EXO1: variants seen among roughly 807,000 people sequenced by gnomAD.
The protein encoded by EXO1 is exonuclease 1.
In EXO1, 69 loss-of-function variants were observed where a neutral mutation model predicts 84.5. The ratio of observed to expected loss-of-function variants is 0.82; its 90% CI spans 0.67 to 1.00. The LOEUF (loss-of-function observed/expected upper bound fraction) is 1.00. Among genes scored for constraint, EXO1 ranks in the 50% least tolerant of loss-of-function variants. The probability of loss-of-function intolerance (pLI) is 0.00; values close to 1 mark genes in which losing one functional copy is unlikely to be tolerated. For synonymous variants in EXO1, 373 were observed against 366.1 expected (o/e 1.02, Z -0.21); for missense variants, 1,045 against 1,000.7 (o/e 1.04, Z -0.60).
chr1:241,867,257 C>T (rs4149948), intron 11 of EXO1, among the ~76,000 whole-genome samples: 11,736 of 152,186 alleles, frequency 0.077, 717 homozygotes, highest in Admixed American at 0.19. Flanking sequence ...ACGCACAGTT[C>T]CATGTAGCTG....
chr1:241,883,140 T>C (rs531022161), intron 14 of EXO1, among the ~76,000 whole-genome samples: 2 of 152,340 alleles, frequency 1.3e-5, no homozygotes, highest in East Asian at 3.9e-4. Context: ...CATGAGCATA[T>C]ATTATGTTTC....
chr1:241,871,743 C>T (rs927573291), intron 11 of EXO1, among the ~76,000 whole-genome samples: 3 of 152,090 alleles, frequency 2.0e-5, no homozygotes, highest in East Asian at 1.9e-4. Context: ...ATGAATACAT[C>T]GCCACACAGG....
At chr1:241,884,214 T>G (rs1378422696) in intron 14 of EXO1, among the ~76,000 whole-genome samples, 2 of 152,192 alleles carry the variant, frequency 1.3e-5, no homozygotes, top group East Asian at 3.8e-4. Context: ...ATTCTAACGT[T>G]TATTTCTTTG....
At position 241,885,366 on chromosome 1, in the gene EXO1, T is replaced by C. The variant is rs760523829; in HGVS notation, c.2264T>C (p.Ile755Thr). Residue 755 changes from isoleucine (I) to threonine (T), a missense_variant, in exon 15 of 16, where the codon ATC (isoleucine) becomes ACC (threonine). Coordinates refer to ENST00000366548, the MANE Select transcript of EXO1 (RefSeq NM_130398.4). ...GCAGACTCTCTTTCTACAACCAAGA[T>C]CAAACCTCTAGGACCTGCCAGAGCC... is the stretch of plus-strand genomic sequence containing the variant. ...SSADSLSTTK[I>T]KPLGPARASG... 1.9e-6 allele frequency: 3 copies of C among 1,613,912 alleles called. No individual in the cohort carries two copies. In the Admixed American group the frequency reaches 5.0e-5, roughly 27 times the overall value.
chr1:241,850,649 T>TC (rs1660612362), intron 4 of EXO1, 63 bp downstream of exon 4: 2 of 1,359,372 alleles, frequency 1.5e-6, no homozygotes, highest in Admixed American at 3.4e-5. Context: ...TGCCTTTTTT[T>TC]CTCCCCCAGA....
intron 10 of EXO1, among the ~76,000 whole-genome samples, chr1:241,865,293 C>T (rs1223117522): frequency 2.7e-5 from 4 of 150,494 alleles, no homozygotes; most frequent in Non-Finnish European, 5.9e-5. Flanking sequence ...CTCACTGCAA[C>T]GTCTGCCTCC....
intron 7 of EXO1, among the ~76,000 whole-genome samples, 173 bp from the exon 8 acceptor site, chr1:241,858,333 T>G (rs1213646433): frequency 6.6e-6 from 1 of 152,242 alleles, no homozygotes; most frequent in Non-Finnish European, 1.5e-5. Context: ...TCATATCCTA[T>G]GCTTCAGCAT....
Position 241,867,305 on chromosome 1 carries a change from T to A in EXO1, c.1267+250T>A, listed in dbSNP as rs186926668. Among the ~76,000 whole-genome samples the A allele has an allele frequency of 3.6e-3, 552 of 152,276 alleles. 2 individuals are homozygous for A. The highest frequency in any genetic ancestry group is 6.0e-3 in the Non-Finnish European group (406 of 68,012). On this transcript the variant is annotated intron_variant, in intron 11 of 15. Transcript: ENST00000366548. ...AATTATGGTGGAAGGTGAAAGGCACTTCTCACATGGTAGCAAACGAGAAGA... is the reference window on the plus strand; with the variant it reads ...AATTATGGTGGAAGGTGAAAGGCACATCTCACATGGTAGCAAACGAGAAGA...
rs200612631 is a variant in EXO1, at chr1:241,866,931, G to A, written c.1143G>A (p.Ser381=). Residue 381 remains serine (S), a synonymous_variant, in exon 11 of 16, where the codon TCG becomes TCA. Coordinates refer to ENST00000366548, the MANE Select transcript of EXO1 (RefSeq NM_130398.4). ...GGAATTACTCTCCCAGACCAGAGTC[G>A]GGTACTGTTTCAGATGCCCCACAAT... ...WHRNYSPRPE[S]GTVSDAPQLK... 7.4e-6 allele frequency: 12 copies of A among 1,614,010 alleles called. No homozygotes were observed. Among genetic ancestry groups the A allele is most frequent in the Admixed American group, 1.7e-5 (1 of 60,004 alleles).
chr1:241,864,645 TA>T (rs1661602771), intron 10 of EXO1, among the ~76,000 whole-genome samples: 1 of 152,212 alleles, frequency 6.6e-6, no homozygotes, highest in Non-Finnish European at 1.5e-5. Context: ...CAGGTTTCTG[TA>T]GGTGGAATTG....
chr1:241,872,194 C>T lies in EXO1; in HGVS notation c.1430C>T (p.Pro477Leu). 1.2e-6 allele frequency: 2 copies of T among 1,613,732 alleles called. No individual in the cohort carries two copies. Among genetic ancestry groups the T allele is most frequent in the Non-Finnish European group, 1.7e-6 (2 of 1,179,856 alleles). Residue 477 changes from proline to leucine, a missense_variant, in exon 12 of 16, where the codon CCT (proline) becomes CTT (leucine). Transcript: ENST00000366548. ...PTNKKSVSTP[P>L]RTRNKFATFL... ...AACAAAAAGAGTGTAAGCACTCCAC[C>T]TAGGACGAGAAATAAATTTGCAACA... is the stretch of plus-strand genomic sequence containing the variant.
chr1:241,857,652 A>G (rs1661140129), intron 7 of EXO1, among the ~76,000 whole-genome samples, 170 bp downstream of exon 7: 2 of 151,466 alleles, frequency 1.3e-5, no homozygotes, highest in Non-Finnish European at 2.9e-5. Context: ...GATATTTGCA[A>G]CTGACATCTA....
Position 241,872,277 on chromosome 1 carries a change from A to T in EXO1, c.1513A>T (p.Arg505Trp). ...AGTTGTGGTTCCAGGGACCAGAAGC[A>T]GGTATAGTTATGTCTCCAGAATGTT... ...GAVVVPGTRS[R>W]FFCSSDSTDC... is the part of the protein sequence containing the mutation. The change falls in exon 12 of 16, where the codon AGG becomes TGG. Residue 505 changes from arginine (R) to tryptophan (W), a missense_variant and splice_region_variant. Arg to Trp is a moderately radical substitution (Grantham distance 101). Coordinates refer to ENST00000366548, the MANE Select transcript of EXO1 (RefSeq NM_130398.4). The T allele has an allele frequency of 6.2e-7, 1 of 1,613,910 alleles. No homozygotes were observed. Among genetic ancestry groups the T allele is most frequent in the Non-Finnish European group, 8.5e-7 (1 of 1,179,804 alleles).
intron 10 of EXO1, among the ~76,000 whole-genome samples, chr1:241,863,737 T>C (rs1661538444): frequency 6.6e-6 from 1 of 152,236 alleles, no homozygotes; most frequent in Non-Finnish European, 1.5e-5. Flanking sequence ...TTTCTAACCT[T>C]GCTCCATGTA....
At chr1:241,855,862 G>A (rs543604960) in intron 6 of EXO1, among the ~76,000 whole-genome samples, 38 of 152,358 alleles carry the variant, frequency 2.5e-4, no homozygotes, top group South Asian at 1.9e-3. Flanking sequence ...AGGGCCGGCC[G>A]GCTGCTCTGA....
At chr1:241,881,728 C>A (rs547138821) in intron 13 of EXO1, among the ~76,000 whole-genome samples, 188 bp from the exon 14 acceptor site, 1 of 152,174 alleles carries the variant, frequency 6.6e-6, no homozygotes, top group Admixed American at 6.5e-5. Context: ...ACCTCTCCAG[C>A]TGAAACATCT....
At chr1:241,870,056 C>T (rs1276977401) in intron 11 of EXO1, among the ~76,000 whole-genome samples, 4 of 152,102 alleles carry the variant, frequency 2.6e-5, no homozygotes, top group South Asian at 4.1e-4. Context: ...GTGATCCACC[C>T]GTCTGGGCCT....
intron 13 of EXO1, among the ~76,000 whole-genome samples, chr1:241,880,070 A>G (rs1297430588): frequency 1.3e-5 from 2 of 151,954 alleles, no homozygotes; most frequent in African/African-American, 4.8e-5. Context: ...AATGGTATTC[A>G]TCTTAAGTTT....
At chr1:241,887,642 T>G (rs1334062114) in intron 15 of EXO1, among the ~76,000 whole-genome samples, 1 of 152,126 alleles carries the variant, frequency 6.6e-6, no homozygotes, top group Non-Finnish European at 1.5e-5. Context: ...GTTTGTTTAT[T>G]TATTTATTTA....
Sources: allele counts gnomAD v4.1 joint callset (sites outside exome capture counted in the v4.1 genomes callset), GRCh38; gene constraint gnomAD v4.1.1; transcripts MANE v1.5; gene names NCBI Gene and HGNC (gene_info 2026-07-23, HGNC 2026-07-21).